Variants in ADAMTS5 observed in about 807,000 individuals in gnomAD.
The protein encoded by ADAMTS5 is ADAM metallopeptidase with thrombospondin type 1 motif 5.
ADAMTS5 carries 54 observed loss-of-function variants against 81.4 expected under a neutral mutation model. That is an observed-to-expected ratio of 0.66 (90% CI 0.53 to 0.83). The LOEUF (loss-of-function observed/expected upper bound fraction) is 0.83, where lower values mean the gene tolerates loss of function less well. Among genes scored for constraint, ADAMTS5 ranks in the 40% least tolerant of loss-of-function variants. The probability of loss-of-function intolerance (pLI) is 0.00; values close to 1 mark genes in which losing one functional copy is unlikely to be tolerated. For missense variants in ADAMTS5, 1,194 were observed against 1,229.9 expected, an observed-to-expected ratio of 0.97 and a Z score of 0.44; for synonymous variants, 532 against 508.8, an observed-to-expected ratio of 1.05 and a Z score of -0.61.
At chr21:26,938,120 G>A (rs1987047656) in intron 3 of ADAMTS5, among the ~76,000 whole-genome samples, 3 of 151,824 alleles carry the variant, frequency 2.0e-5, no homozygotes. Context: ...GGCGCCTGTA[G>A]TCCCAGCTAC....
chr21:26,965,819 G>A lies in ADAMTS5; in HGVS notation c.573C>T (p.His191=), dbSNP rs1215533823. 1.2e-6 allele frequency: 2 copies of A among 1,610,078 alleles called. No individual in the cohort carries two copies. The highest frequency in any genetic ancestry group is 1.7e-5 in the Admixed American group (1 of 59,616). ...AGCTGAAGCCCTCGCGGGTGTAGAC[G>A]TGCAGGATCCGTGCGGACCCATCCC... ...VYGDGSARIL[H]VYTREGFSFE... The change falls in exon 1 of 8, where the codon CAC becomes CAT. Residue 191 remains histidine (H), a synonymous_variant. Coordinates refer to ENST00000284987, the MANE Select transcript of ADAMTS5 (RefSeq NM_007038.5).
intron 3 of ADAMTS5, among the ~76,000 whole-genome samples, chr21:26,938,519 A>G (rs1382029482): frequency 6.6e-6 from 1 of 151,990 alleles, no homozygotes; most frequent in Non-Finnish European, 1.5e-5. Flanking sequence ...ATGATTAACC[A>G]AAGTTGTTTT....
intron 1 of ADAMTS5, among the ~76,000 whole-genome samples, chr21:26,963,514 T>C (rs888755315): frequency 6.6e-6 from 1 of 151,442 alleles, no homozygotes; most frequent in Non-Finnish European, 1.5e-5. Flanking sequence ...TGGCGCAGTA[T>C]GCTTACAAAA....
chr21:26,934,668 T>C lies in ADAMTS5; in HGVS notation c.1487A>G (p.Gln496Arg). The C allele has an allele frequency of 6.2e-7, 1 of 1,614,220 alleles. No individual in the cohort carries two copies. The highest frequency in any genetic ancestry group is 8.5e-7 in the Non-Finnish European group (1 of 1,180,038). The change falls in exon 4 of 8, where the codon CAG (glutamine) becomes CGG (arginine). Residue 496 changes from glutamine to arginine, a missense_variant. Gln to Arg is a conservative substitution (Grantham distance 43). Around this residue, in one of 2 missense-constraint regions of ADAMTS5, gnomAD observed 696 missense variants for 817.6 expected, o/e 0.85. Coordinates refer to ENST00000284987, the MANE Select transcript of ADAMTS5 (RefSeq NM_007038.5). ...LPGQTYDATQ[Q>R]CNLTFGPEYS... is the part of the protein sequence containing the mutation. ...CTCAGGCCCGAATGTCAGGTTGCAC[T>C]GCTGGGTGGCATCGTAGGTCTGTCC...
chr21:26,950,324 C>A lies in ADAMTS5; in HGVS notation c.1237+4415G>T, dbSNP rs200507777. 5.9e-5 allele frequency among the ~76,000 whole-genome samples: 9 copies of A among 151,602 alleles called. No individual in the cohort carries two copies. The East Asian group carries it at 9.6e-4, about 16-fold the overall frequency. The stretch of plus-strand genomic sequence containing the variant: ...GGACCATATGTGCAGCAGGTGAAAT[C>A]TTTATTATTACAAGTCAATAATAAA... On this transcript the variant is annotated intron_variant, in intron 2 of 7. Transcript: ENST00000284987.
At chr21:26,955,686 A>C (rs2123201933) in intron 1 of ADAMTS5, among the ~76,000 whole-genome samples, 1 of 152,290 alleles carries the variant, frequency 6.6e-6, no homozygotes, top group East Asian at 1.9e-4. Context: ...AGAAAATATA[A>C]GCCGCAACTT....
chr21:26,966,255 C>A lies in ADAMTS5; in HGVS notation c.137G>T (p.Arg46Leu), dbSNP rs1186523751. The A allele has an allele frequency of 1.3e-6, 2 of 1,593,738 alleles. No homozygotes were observed. Among genetic ancestry groups the A allele is most frequent in the Non-Finnish European group, 8.5e-7 (1 of 1,172,688 alleles). ...TAAAAAQPRR[R>L]QGEEVQERAE... ...TCGCTCCTGCACCTCCTCCCCCTGC[C>A]GCCGGCGGGGCTGGGCGGCTGCTGC... is the stretch of plus-strand genomic sequence containing the variant. Residue 46 changes from arginine (R) to leucine (L), a missense_variant, in exon 1 of 8, where the codon CGG becomes CTG. Physicochemically the swap from Arg to Leu is moderately radical, Grantham distance 102. Around this residue, in one of 2 missense-constraint regions of ADAMTS5, gnomAD observed 498 missense variants for 412.3 expected, o/e 1.21. Coordinates refer to ENST00000284987, the MANE Select transcript of ADAMTS5 (RefSeq NM_007038.5).
Position 26,966,792 on chromosome 21 carries a change from A to G in ADAMTS5, c.-401T>C, listed in dbSNP as rs1044532042. Among the ~76,000 whole-genome samples the G allele has an allele frequency of 2.0e-5, 3 of 152,118 alleles. No individual in the cohort carries two copies. Among genetic ancestry groups the G allele is most frequent in the Non-Finnish European group, 4.4e-5 (3 of 68,022 alleles). On this transcript the variant is annotated 5_prime_UTR_variant, in exon 1 of 8. Coordinates refer to ENST00000284987, the MANE Select transcript of ADAMTS5 (RefSeq NM_007038.5). ...GAAAGGTACCGCGCACCGGGCTGGC[A>G]ACTGGTGCGCGCAGCCTCCCGCCCC...
chr21:26,961,973 C>T (rs375970773), intron 1 of ADAMTS5, among the ~76,000 whole-genome samples: 1 of 152,224 alleles, frequency 6.6e-6, no homozygotes, highest in East Asian at 1.9e-4. Context: ...CAATCTAAGG[C>T]AGAATGTACA....
intron 7 of ADAMTS5, 136 bp from the exon 8 acceptor site, chr21:26,924,756 G>A: frequency 1.4e-6 from 1 of 728,166 alleles, no homozygotes; most frequent in African/African-American, 1.8e-5. Flanking sequence ...AGTTTTAATG[G>A]ATTAGTTTAA....
At chr21:26,943,105 T>C (rs577281494) in intron 3 of ADAMTS5, among the ~76,000 whole-genome samples, 79 of 152,310 alleles carry the variant, frequency 5.2e-4, no homozygotes, top group Non-Finnish European at 3.2e-4. Flanking sequence ...AGCCAGACTT[T>C]CAGGGCACTA....
chr21:26,955,238 T>C (rs1411152080), intron 1 of ADAMTS5, among the ~76,000 whole-genome samples: 1 of 152,208 alleles, frequency 6.6e-6, no homozygotes, highest in Non-Finnish European at 1.5e-5. Context: ...GCTAAATTTA[T>C]CAAAATCTGG....
At position 26,957,544 on chromosome 21, in the gene ADAMTS5, G is replaced by A. The variant is rs115731369; in HGVS notation, c.1105-2673C>T. Among the ~76,000 whole-genome samples, 1,385 of 152,238 alleles carry A rather than the reference G, an allele frequency of 9.1e-3. 16 individuals are homozygous for A. The highest frequency in any genetic ancestry group is 0.031 in the African/African-American group (1,304 of 41,538). ...AATCACATACAATACCATGTAAGAG[G>A]TAAACGAATTAAAAGTTCTGACAAA... On this transcript the variant is annotated intron_variant, in intron 1 of 7. Coordinates refer to ENST00000284987, the MANE Select transcript of ADAMTS5 (RefSeq NM_007038.5).
intron 3 of ADAMTS5, among the ~76,000 whole-genome samples, chr21:26,940,300 T>C (rs902884377): frequency 2.6e-5 from 4 of 152,184 alleles, no homozygotes; most frequent in South Asian, 2.1e-4. Context: ...TGCTTAAAAA[T>C]AGCAAATTGC....
At chr21:26,945,461 T>C (rs1987197703) in intron 2 of ADAMTS5, among the ~76,000 whole-genome samples, 1 of 152,180 alleles carries the variant, frequency 6.6e-6, no homozygotes, top group Non-Finnish European at 1.5e-5. Context: ...AGTAATGGCC[T>C]TTTCCTCCAA....
In ADAMTS5 at chr21:26,929,870, G is replaced by A. The variant is rs1202425127; in HGVS notation, c.2225+16C>T. On this transcript the variant is annotated intron_variant, in intron 7 of 7. Transcript: ENST00000284987. The stretch of plus-strand genomic sequence containing the variant: ...TTTGTTCAATTCACATAAAGACAAA[G>A]GTTCTATCATATTACCTTTTCTTAT... The A allele has an allele frequency of 1.2e-6, 2 of 1,610,616 alleles. No individual in the cohort carries two copies. The highest frequency in any genetic ancestry group is 1.7e-6 in the Non-Finnish European group (2 of 1,177,714).
rs75732015 is a variant in ADAMTS5 at position 26,918,813 on chromosome 21, A to T, written c.*5240T>A. On this transcript the variant is annotated 3_prime_UTR_variant, in exon 8 of 8. Transcript: ENST00000284987. ...AAATTATTGCAAAGCTTGAAAAAAAATCAGGCCAAATATACACGACAGTTT... is the reference window on the plus strand; with the variant it reads ...AAATTATTGCAAAGCTTGAAAAAAATTCAGGCCAAATATACACGACAGTTT... 1 of 151,992 alleles carries T rather than the reference A, an allele frequency of 6.6e-6. No individual in the cohort carries two copies. The highest frequency in any genetic ancestry group is 1.5e-5 in the Non-Finnish European group (1 of 67,910). 9.4% of individuals were successfully genotyped at this position (151,992 alleles called of 1,614,324 possible). A position where few individuals can be genotyped will look rare whatever the true frequency, so the allele number is the denominator to read the frequency against.
Position 26,966,818 on chromosome 21 carries a change from C to G in ADAMTS5, c.-427G>C, listed in dbSNP as rs1568857828. Among the ~76,000 whole-genome samples, 1 of 152,164 alleles carries G rather than the reference C, an allele frequency of 6.6e-6. No individual in the cohort carries two copies. Among genetic ancestry groups the G allele is most frequent in the Non-Finnish European group, 1.5e-5 (1 of 68,042 alleles). ...ACTGGTGCGCGCAGCCTCCCGCCCC[C>G]GCGCTGCGCTGGACAAGCCGGCTGT... is the stretch of plus-strand genomic sequence containing the variant. On this transcript the variant is annotated 5_prime_UTR_variant, in exon 1 of 8. Coordinates refer to ENST00000284987, the MANE Select transcript of ADAMTS5 (RefSeq NM_007038.5).
chr21:26,945,428 G>A (rs552372565), intron 2 of ADAMTS5, among the ~76,000 whole-genome samples: 1 of 152,188 alleles, frequency 6.6e-6, no homozygotes, highest in South Asian at 2.1e-4. Flanking sequence ...CTACTTCATA[G>A]GATATTTATA....
Sources: allele counts gnomAD v4.1 joint callset (sites outside exome capture counted in the v4.1 genomes callset), GRCh38; gene constraint gnomAD v4.1.1; regional missense constraint gnomAD v4.1.1; transcripts MANE v1.5; gene names NCBI Gene and HGNC (gene_info 2026-07-23, HGNC 2026-07-21).